OXTR: variants seen among roughly 807,000 people sequenced by gnomAD.
OXTR encodes the protein oxytocin receptor.
In OXTR, 19 loss-of-function variants were observed where a neutral mutation model predicts 23.9. The observed-to-expected ratio is 0.80, with a 90% CI of 0.56 to 1.17. OXTR has a LOEUF of 1.17. Ranked by LOEUF, OXTR falls within the 50% of genes most tolerant of loss-of-function variation. The pLI, the probability that OXTR is intolerant of heterozygous loss-of-function variation, is 0.00. For synonymous variants in OXTR, 278 were observed against 250.5 expected (o/e 1.11, Z -1.04); for missense variants, 500 against 550.7 (o/e 0.91, Z 0.92).
At chr3:8,745,929 G>T (rs1375280029), downstream of OXTR, 4 of 1,394,340 alleles carry the variant, frequency 2.9e-6, no homozygotes, top group African/African-American at 1.4e-5. The surrounding 1 kb of genome is among the most constrained non-coding windows in gnomAD (Gnocchi z 4.8). Flanking sequence ...GTCCCCGGGG[G>T]ACTTCTTCAC....
downstream of OXTR, among the ~76,000 whole-genome samples, chr3:8,748,766 A>G (rs1312300442): frequency 6.6e-6 from 1 of 152,196 alleles, no homozygotes; most frequent in East Asian, 1.9e-4. Flanking sequence ...ATTGAATACA[A>G]AAAGTGTTAA....
In OXTR at chr3:8,767,426, G is replaced by A. The variant is rs201271653; in HGVS notation, c.762C>T (p.Arg254=). 9.3e-6 allele frequency: 15 copies of A among 1,607,182 alleles called. No individual in the cohort carries two copies. The highest frequency in any genetic ancestry group is 2.7e-5 in the African/African-American group (2 of 74,652). ...CGCTGCTGACACGCGCCAGGGCCACGCGCCCCCCATCGCCAGCCGCCGCGC... is the reference window on the plus strand; with the variant it reads ...CGCTGCTGACACGCGCCAGGGCCACACGCCCCCCATCGCCAGCCGCCGCGC... The part of the protein sequence containing the change: ...PEGAAAGDGG[R]VALARVSSVK... The change falls in exon 3 of 4, where the codon CGC becomes CGT. Residue 254 remains arginine (R), a synonymous_variant. Coordinates refer to ENST00000316793, the MANE Select transcript of OXTR (RefSeq NM_000916.4).
chr3:8,743,379 C>T, the OXTR span, among the ~76,000 whole-genome samples: 1,730 of 152,160 alleles, frequency 0.011, 40 homozygotes, highest in African/African-American at 0.04. Flanking sequence ...GTTCCAATCC[C>T]GAAGTCCCCT....
intron 3 of OXTR, among the ~76,000 whole-genome samples, chr3:8,760,465 A>G (rs1006274371): frequency 2.6e-5 from 4 of 152,266 alleles, no homozygotes; most frequent in African/African-American, 9.6e-5. Flanking sequence ...TTGTGTGGAC[A>G]GGAGCCTGCA....
chr3:8,759,080 C>T (rs548765671), intron 3 of OXTR, among the ~76,000 whole-genome samples: 1 of 152,322 alleles, frequency 6.6e-6, no homozygotes, highest in South Asian at 2.1e-4. Context: ...TGCATTTTAA[C>T]AAAATACGCA....
At chr3:8,749,486 G>A (rs1011416910), downstream of OXTR, among the ~76,000 whole-genome samples, 1 of 152,088 alleles carries the variant, frequency 6.6e-6, no homozygotes, top group African/African-American at 2.4e-5. Flanking sequence ...CAGAGTCCTG[G>A]GGCATCTCTG....
intron 3 of OXTR, among the ~76,000 whole-genome samples, chr3:8,761,791 A>G (rs1708492829): frequency 6.6e-6 from 1 of 152,210 alleles, no homozygotes; most frequent in Non-Finnish European, 1.5e-5. Context: ...AGGTCCAGAG[A>G]GGGTGTCAAA....
At position 8,768,605 on chromosome 3, in the gene OXTR, G is replaced by A. The variant is rs200815280; in HGVS notation, c.-238-14C>T. 1.9e-3 allele frequency: 323 copies of A among 165,954 alleles called. 2 individuals are homozygous for A. The highest frequency in any genetic ancestry group is 7.2e-3 in the African/African-American group (302 of 42,190). The allele number at this position is 165,954 out of a possible 1,614,324, so 10.3% of individuals were successfully genotyped here. ...CAGCGGCTTCCACTGGGGGAGAAGG[G>A]AGGGTCAAAATCAGCAACGTTCCTC... is the stretch of plus-strand genomic sequence containing the variant. On this transcript the variant is annotated splice_polypyrimidine_tract_variant and intron_variant, in intron 1 of 3. Transcript: ENST00000316793. This position sits in a 1 kb window ranked among gnomAD's most constrained non-coding sequence, Gnocchi z 5.4.
Position 8,768,219 on chromosome 3 carries a change from C to T in OXTR, c.-32G>A. On this transcript the variant is annotated 5_prime_UTR_variant, in exon 3 of 4. Transcript: ENST00000316793. This position sits in a 1 kb window ranked among gnomAD's most constrained non-coding sequence, Gnocchi z 5.4. ...GGCGGCAGCGGTGCGCCCCGGCCTT[C>T]GAGCCCTTTACGGCTTGGCGCGGCT... 7.8e-7 allele frequency: 1 copy of T among 1,277,706 alleles called. No homozygotes were observed. The highest frequency in any genetic ancestry group is 4.3e-5 in the Admixed American group (1 of 23,522). The allele number at this position is 1,277,706 out of a possible 1,614,324, so 79.1% of individuals were successfully genotyped here. A position where few individuals can be genotyped will look rare whatever the true frequency, so the allele number is the denominator to read the frequency against.
At chr3:8,766,897 A>T (rs995030846) in intron 3 of OXTR, among the ~76,000 whole-genome samples, 3 of 152,090 alleles carry the variant, frequency 2.0e-5, no homozygotes, top group Non-Finnish European at 2.9e-5. Flanking sequence ...ACCTCCTCCT[A>T]ACCACGTGGG....
downstream of OXTR, among the ~76,000 whole-genome samples, chr3:8,747,046 CT>C (rs148842787): frequency 0.066 from 9,928 of 149,574 alleles, 441 homozygotes; most frequent in Non-Finnish European, 0.09. Context: ...CCTATCTGAC[CT>C]TTTTTTTTTC....
At chr3:8,762,286 G>A (rs1708504056) in intron 3 of OXTR, among the ~76,000 whole-genome samples, 1 of 152,242 alleles carries the variant, frequency 6.6e-6, no homozygotes, top group Admixed American at 6.5e-5. Flanking sequence ...CAAGAGGCTG[G>A]TTTGGGGTTA....
chr3:8,752,814 C>T lies in OXTR; in HGVS notation c.*163G>A. 1.5e-6 allele frequency: 1 copy of T among 688,688 alleles called. No individual in the cohort carries two copies. Among genetic ancestry groups the T allele is most frequent in the Non-Finnish European group, 2.4e-6 (1 of 420,052 alleles). 42.7% of individuals were successfully genotyped at this position (688,688 alleles called of 1,614,324 possible). A position where few individuals can be genotyped will look rare whatever the true frequency, so the allele number is the denominator to read the frequency against. On this transcript the variant is annotated 3_prime_UTR_variant, in exon 4 of 4. Transcript: ENST00000316793. ...GATGGCTGAGTCCCCTATCATCTTC[C>T]ATCATGGAGGCCACTCTCCACCCCA...
chr3:8,741,284 C>G, the OXTR span, among the ~76,000 whole-genome samples: 1 of 152,206 alleles, frequency 6.6e-6, no homozygotes, highest in South Asian at 2.1e-4. Flanking sequence ...TTACAAGCAC[C>G]AATGTTTATT....
downstream of OXTR, chr3:8,746,083 C>A: frequency 1.9e-6 from 1 of 539,810 alleles, no homozygotes; most frequent in South Asian, 2.6e-5. Context: ...CACCATGATG[C>A]CCCCATGCCT....
At position 8,768,399 on chromosome 3, in the gene OXTR, TC is replaced by T. The variant is rs1234741026; in HGVS notation, c.-142-71del. 2 of 768,390 alleles carry T rather than the reference TC, an allele frequency of 2.6e-6. No homozygotes were observed. The highest frequency in any genetic ancestry group is 3.8e-5 in the East Asian group (1 of 26,322). 47.6% of individuals were successfully genotyped at this position (768,390 alleles called of 1,614,324 possible). ...TTCCGACGCGGGTAGGGCGTGCTTG[TC>T]CCATTCCCAGGAACCCAACTCATCT... On this transcript the variant is annotated intron_variant, in intron 2 of 3. Coordinates refer to ENST00000316793, the MANE Select transcript of OXTR (RefSeq NM_000916.4). This position sits in a 1 kb window ranked among gnomAD's most constrained non-coding sequence, Gnocchi z 5.4.
intron 3 of OXTR, among the ~76,000 whole-genome samples, chr3:8,761,010 G>A (rs941771167): frequency 2.0e-5 from 3 of 152,214 alleles, no homozygotes; most frequent in African/African-American, 7.2e-5. Flanking sequence ...GGCCACAGCT[G>A]GCAGGGAGGT....
In OXTR at chr3:8,762,669, C is replaced by T. The variant is rs7634970; in HGVS notation, c.922+4597G>A. ...AGCATTCATGGAAAGGAAAGGTGTA[C>T]GGGACATGCCCGAGGATCCTCAGTC... On this transcript the variant is annotated intron_variant, in intron 3 of 3. Coordinates refer to ENST00000316793, the MANE Select transcript of OXTR (RefSeq NM_000916.4). 6.5e-3 allele frequency among the ~76,000 whole-genome samples: 987 copies of T among 152,310 alleles called. 15 individuals are homozygous for T. Among genetic ancestry groups the T allele is most frequent in the African/African-American group, 0.022 (926 of 41,568 alleles).
Position 8,753,096 on chromosome 3 carries a change from A to G in OXTR, c.1051T>C (p.Tyr351His), listed in dbSNP as rs759031806. Residue 351 changes from tyrosine to histidine, a missense_variant, in exon 4 of 4, where the codon TAC becomes CAC. By Grantham distance (83) the Tyr-to-His change is moderately conservative (BLOSUM62 2). Transcript: ENST00000316793. The part of the protein sequence containing the change: ...VQRFLCCSAS[Y>H]LKGRRLGETS... ...TCTCCCAGGCGTCTGCCCTTCAGGT[A>G]GCTGGCGGAGCAGCACAGGAAGCGC... 2.3e-5 allele frequency: 37 copies of G among 1,614,056 alleles called. No individual in the cohort carries two copies. The highest frequency in any genetic ancestry group is 3.0e-5 in the Non-Finnish European group (35 of 1,180,036).
Sources: allele counts gnomAD v4.1 joint callset (sites outside exome capture counted in the v4.1 genomes callset), GRCh38; gene constraint gnomAD v4.1.1; non-coding constraint Gnocchi (gnomAD v3.1); transcripts MANE v1.5; gene names NCBI Gene and HGNC (gene_info 2026-07-23, HGNC 2026-07-21).